NEBL: variants seen among roughly 807,000 people sequenced by gnomAD.
NEBL encodes LIM and SH3 protein 2.
Under a neutral mutation model 140.2 loss-of-function variants are expected in NEBL, and 122 were observed. The ratio of observed to expected loss-of-function variants is 0.87; its 90% CI spans 0.75 to 1.01. The LOEUF (loss-of-function observed/expected upper bound fraction) is 1.01. NEBL is among the 50% of genes least tolerant of loss of function. NEBL has a pLI of 0.00. For missense variants in NEBL, 1,365 were observed against 1,231.3 expected (o/e 1.11, Z -1.62); for synonymous variants, 436 against 398.9 (o/e 1.09, Z -1.11).
intron 26 of NEBL, among the ~76,000 whole-genome samples, chr10:20,805,422 A>C (rs1384455318): frequency 6.6e-6 from 1 of 152,164 alleles, no homozygotes; most frequent in Non-Finnish European, 1.5e-5. Context: ...TATGTTATAC[A>C]ACTTATTGGT....
chr10:21,137,557 T>C (rs1194439461), intron 2 of NEBL, among the ~76,000 whole-genome samples: 1 of 152,184 alleles, frequency 6.6e-6, no homozygotes, highest in East Asian at 1.9e-4. Flanking sequence ...TTTTCAGTCT[T>C]TGAAATCCAC....
At chr10:20,822,636 ACTAT>A (rs777360181) in intron 19 of NEBL, among the ~76,000 whole-genome samples, 146 of 150,994 alleles carry the variant, frequency 9.7e-4, no homozygotes, top group African/African-American at 2.0e-3. Context: ...AGATATACAG[ACTAT>A]CTAATATAGG....
At position 20,785,598 on chromosome 10, in the gene NEBL, T is replaced by C; in HGVS notation, c.*149A>G. ...CTGTTTTCAGCCCAGAGGTCATTCC[T>C]TCTTCCTGGTACCTGTGTGTCTAAT... is the stretch of plus-strand genomic sequence containing the variant. On this transcript the variant is annotated 3_prime_UTR_variant, in exon 28 of 28. Transcript: ENST00000377122. 1 of 934,190 alleles carries C rather than the reference T, an allele frequency of 1.1e-6. No homozygotes were observed. The highest frequency in any genetic ancestry group is 1.6e-6 in the Non-Finnish European group (1 of 607,726). The allele number at this position is 934,190 out of a possible 1,614,324, so 57.9% of individuals were successfully genotyped here. A position where few individuals can be genotyped will look rare whatever the true frequency, so the allele number is the denominator to read the frequency against.
chr10:20,994,575 A>AG (rs1837591112), intron 3 of NEBL, among the ~76,000 whole-genome samples: 2 of 152,224 alleles, frequency 1.3e-5, no homozygotes, highest in South Asian at 4.1e-4. Flanking sequence ...GCAGGCATTA[A>AG]GGGCATTGAC....
intron 2 of NEBL, chr10:21,170,693 G>A (rs1442591226): frequency 6.6e-6 from 1 of 152,590 alleles, no homozygotes; most frequent in Non-Finnish European, 1.5e-5. Flanking sequence ...CCCATTTTCT[G>A]ATTTCTTGAA....
At chr10:21,075,413 C>T (rs753201931) in intron 2 of NEBL, among the ~76,000 whole-genome samples, 21 of 152,264 alleles carry the variant, frequency 1.4e-4, no homozygotes, top group Non-Finnish European at 2.6e-4. Flanking sequence ...TGAAACAACA[C>T]GACCTAAGAG....
At chr10:21,103,950 A>C (rs1212914032) in intron 2 of NEBL, among the ~76,000 whole-genome samples, 1 of 152,154 alleles carries the variant, frequency 6.6e-6, no homozygotes, top group Non-Finnish European at 1.5e-5. Context: ...ATATGTTTCA[A>C]GTTAATTCTT....
At chr10:21,158,940 G>C (rs754106278) in intron 2 of NEBL, among the ~76,000 whole-genome samples, 4 of 152,008 alleles carry the variant, frequency 2.6e-5, no homozygotes, top group Admixed American at 6.6e-5. Flanking sequence ...AAGTGCTTTT[G>C]AAACCCACTT....
At chr10:21,265,565 G>T (rs1842788508) in intron 1 of NEBL, among the ~76,000 whole-genome samples, 1 of 152,148 alleles carries the variant, frequency 6.6e-6, no homozygotes, top group African/African-American at 2.4e-5. Flanking sequence ...TAATTCAAGG[G>T]CACATAGTTT....
intron 14 of NEBL, among the ~76,000 whole-genome samples, chr10:20,833,877 G>A (rs1840648883): frequency 1.3e-5 from 2 of 152,186 alleles, no homozygotes; most frequent in Admixed American, 6.5e-5. Context: ...AGGGTGGCAA[G>A]AAAGATGGAT....
chr10:20,881,532 C>T (rs1222050682), intron 4 of NEBL, among the ~76,000 whole-genome samples: 1 of 152,188 alleles, frequency 6.6e-6, no homozygotes, highest in Non-Finnish European at 1.5e-5. Flanking sequence ...CCAAACTCAA[C>T]CACAAAGTTG....
At chr10:21,239,201 G>C (rs150745220) in intron 3 of NEBL, among the ~76,000 whole-genome samples, 130 of 152,050 alleles carry the variant, frequency 8.5e-4, no homozygotes, top group African/African-American at 2.8e-3. Context: ...ATAGTCCCAA[G>C]TCTGTTCCAA....
chr10:21,165,070 C>G (rs1290343727), intron 2 of NEBL, among the ~76,000 whole-genome samples: 1 of 152,148 alleles, frequency 6.6e-6, no homozygotes, highest in African/African-American at 2.4e-5. Context: ...TTTCCATTCA[C>G]TATTATAAGT....
At chr10:20,952,340 G>A (rs1021668075) in intron 4 of NEBL, among the ~76,000 whole-genome samples, 5 of 151,588 alleles carry the variant, frequency 3.3e-5, no homozygotes, top group African/African-American at 7.3e-5. Flanking sequence ...GGGAGGCTGA[G>A]GCAGGAGAAT....
At chr10:20,925,109 C>G (rs1313226951) in intron 4 of NEBL, among the ~76,000 whole-genome samples, 2 of 152,038 alleles carry the variant, frequency 1.3e-5, no homozygotes, top group Admixed American at 1.3e-4. Context: ...GACCCAGATC[C>G]CCCAGGCTCC....
intron 7 of NEBL, among the ~76,000 whole-genome samples, chr10:20,864,413 T>C (rs564379296): frequency 1.3e-5 from 2 of 152,294 alleles, no homozygotes; most frequent in East Asian, 3.9e-4. Flanking sequence ...AGCAAAGCTA[T>C]TGTAGAAGTT....
At chr10:20,883,248 C>G (rs949366096) in intron 4 of NEBL, among the ~76,000 whole-genome samples, 1 of 152,194 alleles carries the variant, frequency 6.6e-6, no homozygotes, top group Admixed American at 6.5e-5. Context: ...TCAACTGATA[C>G]CTTTAAGTCT....
chr10:20,837,009 T>C (rs1840967766), intron 13 of NEBL, among the ~76,000 whole-genome samples: 1 of 152,130 alleles, frequency 6.6e-6, no homozygotes, highest in African/African-American at 2.4e-5. Context: ...TCTCTTTCCC[T>C]CTCTTTGGGC....
rs1444175267 is a variant in NEBL at position 21,227,708 on chromosome 10, TTCTTTCTTCTTC to T, written n.348+20201_348+20212del. Among the ~76,000 whole-genome samples the T allele has an allele frequency of 4.5e-3, 366 of 80,528 alleles. 1 individual carries two copies. Among genetic ancestry groups the T allele is most frequent in the South Asian group, 5.0e-3 (11 of 2,216 alleles). 52.8% of individuals were successfully genotyped at this position (80,528 alleles called of 152,430 possible). On this transcript the variant is annotated intron_variant and non_coding_transcript_variant, in intron 3 of 8. Transcript: ENST00000675702. ...CTTCTTCTTCTTCTTCTTCTTCTTC[TTCTTTCTTCTTC>T]TTCTTCTTCTTCTTCTTCTTCTTCT...
Sources: gnomAD v4.1 joint callset for allele counts (sites outside exome capture counted in the v4.1 genomes callset) on GRCh38, gnomAD v4.1.1 for gene constraint, MANE v1.5 for transcripts, NCBI Gene and HGNC (gene_info 2026-07-23, HGNC 2026-07-21) for gene names.